Variants in B3GAT2 observed in about 807,000 individuals in gnomAD.
B3GAT2 encodes galactosylgalactosylxylosylprotein 3-beta-glucuronosyltransferase 2.
Under a neutral mutation model 27.8 loss-of-function variants are expected in B3GAT2, and 26 were observed. The ratio of observed to expected loss-of-function variants is 0.93; its 90% confidence interval spans 0.68 to 1.30. B3GAT2 has a LOEUF of 1.30. B3GAT2 is among the 50% of genes most tolerant of loss of function. B3GAT2 has a pLI of 0.00. For synonymous variants in B3GAT2, 218 were observed against 195.1 expected, an observed-to-expected ratio of 1.12 and a Z score of -0.98; for missense variants, 458 against 459.0, an observed-to-expected ratio of 1.00 and a Z score of 0.02.
chr6:70,927,448 C>T, intron 1 of B3GAT2, among the ~76,000 whole-genome samples: 1 of 152,122 alleles, frequency 6.6e-6, no homozygotes. Context: ...CATGCAGAGA[C>T]ACACATAGGC....
At chr6:70,940,056 T>G (rs1357743577) in intron 1 of B3GAT2, among the ~76,000 whole-genome samples, 1 of 151,822 alleles carries the variant, frequency 6.6e-6, no homozygotes, top group Non-Finnish European at 1.5e-5. Context: ...GAAACTGAAA[T>G]GGAGGGTACA....
intron 2 of B3GAT2, among the ~76,000 whole-genome samples, chr6:70,873,238 A>G (rs1330956071): frequency 1.3e-5 from 2 of 152,126 alleles, no homozygotes; most frequent in African/African-American, 4.8e-5. Context: ...CTTGTAGGGC[A>G]CATGTGCTAG....
chr6:70,896,240 T>C (rs1411842296), intron 1 of B3GAT2, among the ~76,000 whole-genome samples: 5 of 152,154 alleles, frequency 3.3e-5, no homozygotes, highest in African/African-American at 4.8e-5. Context: ...TGGATTCCTC[T>C]GGACCCTGCC....
chr6:70,878,811 G>A (rs1213533135), intron 2 of B3GAT2, among the ~76,000 whole-genome samples: 3 of 151,880 alleles, frequency 2.0e-5, no homozygotes, highest in Non-Finnish European at 4.4e-5. Context: ...TGTTTAAGGA[G>A]CTTTTAAGGA....
At chr6:70,899,890 T>C (rs1262317315) in intron 1 of B3GAT2, among the ~76,000 whole-genome samples, 1 of 152,222 alleles carries the variant, frequency 6.6e-6, no homozygotes, top group Non-Finnish European at 1.5e-5. Flanking sequence ...TTCATGTAAC[T>C]AAAATATTCT....
intron 2 of B3GAT2, among the ~76,000 whole-genome samples, chr6:70,884,095 C>CA (rs70990339): frequency 0.01 from 1,014 of 100,618 alleles, 11 homozygotes; most frequent in South Asian, 0.016. Flanking sequence ...CCTCAAGACT[C>CA]AAAAAAAAAA....
rs557690482 is a variant in B3GAT2, at chr6:70,882,426, G to A, written c.736+11702C>T. ...TGAGGCAGGAGAAAAGTGTGAACCC[G>A]GGAGGTAGAGCTTGCAGTGAGCCGA... On this transcript the variant is annotated intron_variant, in intron 2 of 3. Coordinates refer to ENST00000230053, the MANE Select transcript of B3GAT2 (RefSeq NM_080742.3). Among the ~76,000 whole-genome samples, 10 of 152,194 alleles carry A rather than the reference G, an allele frequency of 6.6e-5. No homozygotes were observed. In the East Asian group the frequency reaches 1.4e-3, roughly 21 times the overall value.
intron 2 of B3GAT2, among the ~76,000 whole-genome samples, chr6:70,862,799 G>C (rs1259118886): frequency 6.6e-6 from 1 of 151,958 alleles, no homozygotes. Flanking sequence ...ATGAGACCCT[G>C]TCTCTACAAA....
At chr6:70,933,543 A>T (rs533094354) in intron 1 of B3GAT2, among the ~76,000 whole-genome samples, 64 of 152,246 alleles carry the variant, frequency 4.2e-4, no homozygotes, top group Non-Finnish European at 8.5e-4. Flanking sequence ...TGTCTCTAGC[A>T]CTCTTGCCAG....
At position 70,863,853 on chromosome 6, in the gene B3GAT2, G is replaced by A. The variant is rs75416385; in HGVS notation, c.737-1875C>T. Among the ~76,000 whole-genome samples the A allele has an allele frequency of 4.5e-3, 680 of 152,206 alleles. 3 individuals are homozygous for A. The highest frequency in any genetic ancestry group is 0.016 in the African/African-American group (653 of 41,514). On this transcript the variant is annotated intron_variant, in intron 2 of 3. Coordinates refer to ENST00000230053, the MANE Select transcript of B3GAT2 (RefSeq NM_080742.3). ...TGTAAAAGGTTTGGGAAAGTTCCAG[G>A]TAGCAAAGCCAGGACACCTACATGT...
intron 2 of B3GAT2, among the ~76,000 whole-genome samples, chr6:70,883,978 A>C (rs1327246103): frequency 6.6e-6 from 1 of 151,798 alleles, no homozygotes; most frequent in African/African-American, 2.4e-5. Context: ...TGGCCTGGGA[A>C]AGGACTGTGA....
chr6:70,887,440 A>C (rs1287694549), intron 2 of B3GAT2, among the ~76,000 whole-genome samples: 1 of 152,120 alleles, frequency 6.6e-6, no homozygotes, highest in African/African-American at 2.4e-5. Flanking sequence ...CATCATTTAT[A>C]ATAATTTTTT....
chr6:70,890,213 A>G (rs996909813), intron 2 of B3GAT2, among the ~76,000 whole-genome samples: 2 of 152,028 alleles, frequency 1.3e-5, no homozygotes, highest in African/African-American at 4.8e-5. Context: ...TGACCTCGCC[A>G]CTGTCCACCC....
At chr6:70,900,910 A>C (rs184462725) in intron 1 of B3GAT2, among the ~76,000 whole-genome samples, 26 of 152,346 alleles carry the variant, frequency 1.7e-4, no homozygotes, top group African/African-American at 6.3e-4. Context: ...AAAAAATGTG[A>C]CACTCTGTAT....
intron 1 of B3GAT2, among the ~76,000 whole-genome samples, chr6:70,926,751 T>C (rs1019068379): frequency 5.9e-5 from 9 of 152,174 alleles, no homozygotes; most frequent in Admixed American, 5.9e-4. Context: ...GAAAACACTC[T>C]TCAGGATATT....
intron 1 of B3GAT2, among the ~76,000 whole-genome samples, chr6:70,908,216 C>A (rs1772631746): frequency 6.6e-6 from 1 of 152,156 alleles, no homozygotes; most frequent in Non-Finnish European, 1.5e-5. Flanking sequence ...GAGTCAGGGG[C>A]ACCAAGGACA....
intron 2 of B3GAT2, among the ~76,000 whole-genome samples, chr6:70,870,610 A>T (rs969569351): frequency 6.6e-6 from 1 of 152,160 alleles, no homozygotes; most frequent in African/African-American, 2.4e-5. Flanking sequence ...CATGTAAATA[A>T]ACCCTCAAGA....
Position 70,860,778 on chromosome 6 carries a change from CACTG to C in B3GAT2, c.*881_*884del, listed in dbSNP as rs1771686174. 8 of 399,194 alleles carry C rather than the reference CACTG, an allele frequency of 2.0e-5. No homozygotes were observed. The highest frequency in any genetic ancestry group is 3.5e-5 in the Non-Finnish European group (8 of 226,174). The allele number at this position is 399,194 out of a possible 1,614,324, so 24.7% of individuals were successfully genotyped here. A position where few individuals can be genotyped will look rare whatever the true frequency, so the allele number is the denominator to read the frequency against. On this transcript the variant is annotated 3_prime_UTR_variant, in exon 4 of 4. Coordinates refer to ENST00000230053, the MANE Select transcript of B3GAT2 (RefSeq NM_080742.3). Reference sequence around the variant, plus strand: ...TCATATAAATAGAATGTAAATGTCTCACTGAGCACTGTTTTCTAGTGTATCAAAA... The same window carrying C: ...TCATATAAATAGAATGTAAATGTCTCAGCACTGTTTTCTAGTGTATCAAAA...
rs925489439 is a variant in B3GAT2 at position 70,859,166 on chromosome 6, C to G, written c.*2497G>C. 2.7e-5 allele frequency: 14 copies of G among 525,824 alleles called. No individual in the cohort carries two copies. The East Asian group carries it at 4.0e-4, about 15-fold the overall frequency. The allele number at this position is 525,824 out of a possible 1,614,324, so 32.6% of individuals were successfully genotyped here. On this transcript the variant is annotated 3_prime_UTR_variant, in exon 4 of 4. Coordinates refer to ENST00000230053, the MANE Select transcript of B3GAT2 (RefSeq NM_080742.3). ...ATATCACAGTTAATTTTGCTACCAC[C>G]ATTTACAAGAATATAGGTAAAACAT...
Sources: allele counts gnomAD v4.1 joint callset (sites outside exome capture counted in the v4.1 genomes callset), GRCh38; gene constraint gnomAD v4.1.1; transcripts MANE v1.5; gene names NCBI Gene and HGNC (gene_info 2026-07-23, HGNC 2026-07-21).